Variants in PTPN14 observed in about 807,000 individuals in gnomAD.
The protein encoded by PTPN14 is protein tyrosine phosphatase non-receptor type 14.
A neutral mutation model predicts 126.8 loss-of-function variants in PTPN14; 53 were observed. That is an observed-to-expected ratio of 0.42 (90% CI 0.34 to 0.53). PTPN14 has a LOEUF of 0.53. PTPN14 is among the 20% of genes least tolerant of loss of function. The pLI is 0.08. For synonymous variants in PTPN14, 630 were observed against 599.3 expected, an observed-to-expected ratio of 1.05 and a Z score of -0.75; for missense variants, 1,257 against 1,552.9, an observed-to-expected ratio of 0.81 and a Z score of 3.20.
At chr1:214,386,212 T>C (rs950306762) in intron 12 of PTPN14, among the ~76,000 whole-genome samples, 1 of 152,192 alleles carries the variant, frequency 6.6e-6, no homozygotes, top group African/African-American at 2.4e-5. Flanking sequence ...TAAGACAATA[T>C]ATAGCAAGTA....
At chr1:214,502,725 TAAAG>T (rs1296208007) in intron 1 of PTPN14, among the ~76,000 whole-genome samples, 1 of 152,078 alleles carries the variant, frequency 6.6e-6, no homozygotes, top group Non-Finnish European at 1.5e-5. Flanking sequence ...ATGATCAAAA[TAAAG>T]ACAGAGTGAT....
At chr1:214,393,468 C>T (rs571326144) in intron 10 of PTPN14, among the ~76,000 whole-genome samples, 1 of 152,352 alleles carries the variant, frequency 6.6e-6, no homozygotes, top group African/African-American at 2.4e-5. Context: ...GGCAGCCAAG[C>T]ATTCACAGTC....
intron 3 of PTPN14, among the ~76,000 whole-genome samples, chr1:214,446,043 T>G (rs1660135301): frequency 6.6e-6 from 1 of 151,958 alleles, no homozygotes; most frequent in Non-Finnish European, 1.5e-5. Flanking sequence ...ATGGAAAAAA[T>G]TACAGTGGTC....
At chr1:214,437,288 C>T (rs1313530905) in intron 3 of PTPN14, among the ~76,000 whole-genome samples, 2 of 151,896 alleles carry the variant, frequency 1.3e-5, no homozygotes, top group Admixed American at 6.6e-5. Context: ...CTCAGTTTTG[C>T]AAAATTCTCA....
At chr1:214,460,657 C>G (rs765139845) in intron 2 of PTPN14, among the ~76,000 whole-genome samples, 13 of 151,134 alleles carry the variant, frequency 8.6e-5, no homozygotes, top group Non-Finnish European at 1.5e-4. Context: ...AAACTGAATT[C>G]CGCCTTTCCC....
In PTPN14 at chr1:214,349,571, C is replaced by T. The variant is rs982928606; in HGVS notation, c.*8351G>A. 1.3e-4 allele frequency: 20 copies of T among 152,310 alleles called. No individual in the cohort carries two copies. The highest frequency in any genetic ancestry group is 4.6e-4 in the African/African-American group (19 of 41,574). The allele number at this position is 152,310 out of a possible 1,614,324, so 9.4% of individuals were successfully genotyped here. On this transcript the variant is annotated 3_prime_UTR_variant, in exon 19 of 19. Transcript: ENST00000366956. ...TGAAACAAACTAGATTAGCTTGTTA[C>T]TTGATGTAACACAAGTTACATAAGG...
In PTPN14 at chr1:214,402,956, A is replaced by AT. The variant is rs1558087258; in HGVS notation, c.511-4dup. The AT allele has an allele frequency of 6.2e-7, 1 of 1,613,910 alleles. No individual in the cohort carries two copies. The highest frequency in any genetic ancestry group is 1.7e-5 in the Admixed American group (1 of 60,024). On this transcript the variant is annotated splice_polypyrimidine_tract_variant and splice_region_variant and intron_variant, in intron 5 of 18. Transcript: ENST00000366956. ...ACAGCCTCTTCCAGGGCCAAATCCT[A>AT]TAAGAATAGAAAGTGCTTAAGGTCA... is the stretch of plus-strand genomic sequence containing the variant.
chr1:214,446,518 T>C (rs1177222036), intron 3 of PTPN14, among the ~76,000 whole-genome samples: 1 of 152,144 alleles, frequency 6.6e-6, no homozygotes, highest in African/African-American at 2.4e-5. Flanking sequence ...TTAAACCAAT[T>C]TGGACTTGAT....
rs759303364 is a variant in PTPN14, at chr1:214,391,070, G to C, written c.930-25C>G. 4 of 1,522,810 alleles carry C rather than the reference G, an allele frequency of 2.6e-6. No individual in the cohort carries two copies. In the Admixed American group the frequency reaches 7.1e-5, roughly 27 times the overall value. The allele number at this position is 1,522,810 out of a possible 1,614,324, so 94.3% of individuals were successfully genotyped here. On this transcript the variant is annotated intron_variant, in intron 10 of 18. Transcript: ENST00000366956. ...TCTACATGAAGAGGTGAAAAAATGA[G>C]AATGGTTATTATTATTGATATAAAA... is the stretch of plus-strand genomic sequence containing the variant.
At chr1:214,402,736 G>C (rs73074087) in intron 6 of PTPN14, 147 bp downstream of exon 6, 2 of 689,368 alleles carry the variant, frequency 2.9e-6, no homozygotes, top group South Asian at 3.0e-5. Context: ...TTTGCAGAAC[G>C]GAAGTACAGA....
rs987535301 is a variant in PTPN14, at chr1:214,348,980, T to C, written c.*8942A>G. On this transcript the variant is annotated 3_prime_UTR_variant, in exon 19 of 19. Transcript: ENST00000366956. ...TTATTTACTGATATAAAATAGCACA[T>C]AGAATAGCATGCATAGTTTTATTTT... 3 of 152,202 alleles carry C rather than the reference T, an allele frequency of 2.0e-5. No individual in the cohort carries two copies. The South Asian group carries it at 6.2e-4, about 32-fold the overall frequency. The allele number at this position is 152,202 out of a possible 1,614,324, so 9.4% of individuals were successfully genotyped here. A position where few individuals can be genotyped will look rare whatever the true frequency, so the allele number is the denominator to read the frequency against.
chr1:214,411,107 A>G (rs1659298798), intron 5 of PTPN14, among the ~76,000 whole-genome samples: 1 of 152,184 alleles, frequency 6.6e-6, no homozygotes, highest in African/African-American at 2.4e-5. Context: ...GTGTCATCTT[A>G]AATTTCTTTC....
At chr1:214,376,650 G>A (rs997482411) in intron 14 of PTPN14, among the ~76,000 whole-genome samples, 1 of 152,140 alleles carries the variant, frequency 6.6e-6, no homozygotes, top group Non-Finnish European at 1.5e-5. Flanking sequence ...GAACAAATCT[G>A]CAAGAACTAG....
At chr1:214,447,124 C>G (rs1440952120) in intron 3 of PTPN14, among the ~76,000 whole-genome samples, 1 of 152,164 alleles carries the variant, frequency 6.6e-6, no homozygotes, top group Non-Finnish European at 1.5e-5. Context: ...GGGATAACAG[C>G]GGATGACTGG....
In PTPN14 at chr1:214,418,842, A is replaced by C. The variant is rs149660213; in HGVS notation, c.345-4116T>G. Among the ~76,000 whole-genome samples the C allele has an allele frequency of 6.8e-4, 103 of 152,314 alleles. No homozygotes were observed. In the East Asian group the frequency reaches 0.016, roughly 23 times the overall value. ...CTTTTCTGCCCCAGAGATAGAAGGA[A>C]GGGAAAGAAGACTGAGTTATACATT... is the stretch of plus-strand genomic sequence containing the variant. On this transcript the variant is annotated intron_variant, in intron 3 of 18. Transcript: ENST00000366956.
At chr1:214,497,118 G>A (rs569508746) in intron 1 of PTPN14, among the ~76,000 whole-genome samples, 76 of 151,992 alleles carry the variant, frequency 5.0e-4, no homozygotes, top group African/African-American at 1.6e-3. Context: ...TTGGGGCAGC[G>A]GTGGGGGGTC....
At chr1:214,403,930 C>T (rs983387486) in intron 5 of PTPN14, among the ~76,000 whole-genome samples, 2 of 152,126 alleles carry the variant, frequency 1.3e-5, no homozygotes, top group African/African-American at 2.4e-5. Flanking sequence ...TTTCCTGTGA[C>T]CTCCAGAGCA....
intron 1 of PTPN14, chr1:214,532,483 T>TGTCCTGA (rs1655577536): frequency 2.3e-6 from 2 of 864,074 alleles, no homozygotes; most frequent in Admixed American, 1.7e-5. Flanking sequence ...CTGAGGAGCC[T>TGTCCTGA]GGAGATCGAG....
In PTPN14 at chr1:214,516,334, T is replaced by C. The variant is rs185829603; in HGVS notation, c.-155+34849A>G. ...AACAATGCAAGAGGCCAAGGTACCATATATGAATTGAAAAGTAATTCACAG... is the reference window on the plus strand; with the variant it reads ...AACAATGCAAGAGGCCAAGGTACCACATATGAATTGAAAAGTAATTCACAG... On this transcript the variant is annotated intron_variant, in intron 1 of 18. Transcript: ENST00000366956. 9.8e-5 allele frequency among the ~76,000 whole-genome samples: 15 copies of C among 152,336 alleles called. No individual in the cohort carries two copies. The East Asian group carries it at 2.9e-3, about 29-fold the overall frequency.
Sources: allele counts gnomAD v4.1 joint callset (sites outside exome capture counted in the v4.1 genomes callset), GRCh38; gene constraint gnomAD v4.1.1; transcripts MANE v1.5; gene names NCBI Gene and HGNC (gene_info 2026-07-23, HGNC 2026-07-21).